SPATA13: variants seen among roughly 807,000 people sequenced by gnomAD.
SPATA13 encodes spermatogenesis-associated protein 13.
Under a neutral mutation model 104.0 loss-of-function variants are expected in SPATA13, and 50 were observed. That is an observed-to-expected ratio of 0.48 (90% CI 0.38 to 0.61). SPATA13 has a LOEUF of 0.61. Among genes scored for constraint, SPATA13 ranks in the 20% least tolerant of loss-of-function variants. SPATA13 has a pLI of 0.00. For synonymous variants in SPATA13, 606 were observed against 667.5 expected (o/e 0.91, Z 1.42); for missense variants, 1,524 against 1,690.6 (o/e 0.90, Z 1.73).
At chr13:24,055,802 T>C (rs1401406322) in intron 3 of SPATA13, among the ~76,000 whole-genome samples, 1 of 152,242 alleles carries the variant, frequency 6.6e-6, no homozygotes, top group Non-Finnish European at 1.5e-5. Flanking sequence ...GATGTCCTAA[T>C]TCTAAGCCAA....
chr13:24,216,742 T>G (rs1267823914), intron 1 of SPATA13, among the ~76,000 whole-genome samples: 1 of 152,208 alleles, frequency 6.6e-6, no homozygotes, highest in Non-Finnish European at 1.5e-5. Context: ...CCTTGGATGC[T>G]TTCTCTTTAT....
rs201659647 is a variant in SPATA13 at position 24,269,892 on chromosome 13, A to AT, written c.2165-14231dup. Among the ~76,000 whole-genome samples, 1,491 of 142,990 alleles carry AT rather than the reference A, an allele frequency of 0.01. 45 individuals are homozygous for AT. In the East Asian group the frequency reaches 0.12, roughly 12 times the overall value. 93.8% of individuals were successfully genotyped at this position (142,990 alleles called of 152,430 possible). ...GTGTGAGCTACCTTGCCCAGACCTA[A>AT]TTTTTTTTTTTTAGAGATAGGGTCT... On this transcript the variant is annotated intron_variant, in intron 4 of 12. Coordinates refer to ENST00000382108, the MANE Select transcript of SPATA13 (RefSeq NM_001166271.3).
At chr13:24,149,950 G>A (rs1343870845) in intron 3 of SPATA13, among the ~76,000 whole-genome samples, 2 of 152,118 alleles carry the variant, frequency 1.3e-5, no homozygotes. Flanking sequence ...CTGTCGGGGA[G>A]GGAGAGAGCT....
intron 1 of SPATA13, among the ~76,000 whole-genome samples, chr13:24,191,029 T>C (rs1248878022): frequency 3.9e-5 from 6 of 152,164 alleles, no homozygotes; most frequent in South Asian, 2.1e-4. Context: ...GCCACTACCA[T>C]TGAGGCAAGA....
intron 2 of SPATA13, among the ~76,000 whole-genome samples, chr13:24,235,894 A>G (rs1007849787): frequency 6.6e-6 from 1 of 152,280 alleles, no homozygotes; most frequent in African/African-American, 2.4e-5. Flanking sequence ...AAATAAGAAT[A>G]TAAATAATAA....
intron 2 of SPATA13, among the ~76,000 whole-genome samples, chr13:24,001,111 G>A (rs1332067035): frequency 7.9e-5 from 12 of 152,038 alleles, no homozygotes; most frequent in Admixed American, 7.9e-4. Flanking sequence ...CAGGCTGGCC[G>A]AGTGGCCTCT....
At chr13:24,277,457 A>G (rs1051458581) in intron 4 of SPATA13, among the ~76,000 whole-genome samples, 1 of 138,946 alleles carries the variant, frequency 7.2e-6, no homozygotes, top group Non-Finnish European at 1.6e-5. Flanking sequence ...AAAAAAAAAA[A>G]AAAAAGAAGA....
At chr13:24,279,268 G>C (rs969524541) in intron 4 of SPATA13, among the ~76,000 whole-genome samples, 5 of 152,170 alleles carry the variant, frequency 3.3e-5, no homozygotes, top group African/African-American at 4.8e-5. Flanking sequence ...CAGCGGCCCT[G>C]GGCAAGGAGT....
intron 3 of SPATA13, among the ~76,000 whole-genome samples, chr13:24,127,496 A>T (rs543580069): frequency 2.0e-5 from 3 of 151,878 alleles, no homozygotes; most frequent in Non-Finnish European, 4.4e-5. Flanking sequence ...GCCTCTGGGG[A>T]CAGCAGCTGG....
chr13:24,155,236 G>A (rs2138475818), intron 3 of SPATA13, among the ~76,000 whole-genome samples: 1 of 152,306 alleles, frequency 6.6e-6, no homozygotes, highest in Admixed American at 6.5e-5. Flanking sequence ...ATGAAAGGGG[G>A]ATTCTATGAA....
At chr13:24,288,544 G>A (rs939949945) in intron 7 of SPATA13, among the ~76,000 whole-genome samples, 2 of 152,252 alleles carry the variant, frequency 1.3e-5, no homozygotes, top group Admixed American at 6.5e-5. Flanking sequence ...ATAGAAAGGC[G>A]GTGCTGGTGG....
chr13:24,133,521 G>A (rs1390616022), intron 3 of SPATA13, among the ~76,000 whole-genome samples: 1 of 152,174 alleles, frequency 6.6e-6, no homozygotes, highest in Non-Finnish European at 1.5e-5. Context: ...GCAGGTGCTA[G>A]GGATGCCTGA....
intron 3 of SPATA13, among the ~76,000 whole-genome samples, chr13:24,079,378 A>G (rs1051944614): frequency 9.2e-5 from 14 of 152,230 alleles, no homozygotes; most frequent in Admixed American, 8.5e-4. Context: ...CTACTCTGAA[A>G]AGATCACCCT....
chr13:24,008,357 C>T (rs1876322429), intron 2 of SPATA13, among the ~76,000 whole-genome samples: 1 of 152,182 alleles, frequency 6.6e-6, no homozygotes, highest in East Asian at 1.9e-4. Flanking sequence ...GCCTTGACTC[C>T]TTGTCCAGCT....
Position 24,286,128 on chromosome 13 carries a change from C to A in SPATA13, c.2302-86C>A. The A allele has an allele frequency of 7.7e-7, 1 of 1,295,952 alleles. No individual in the cohort carries two copies. The highest frequency in any genetic ancestry group is 1.1e-6 in the Non-Finnish European group (1 of 938,080). The allele number at this position is 1,295,952 out of a possible 1,614,324, so 80.3% of individuals were successfully genotyped here. A position where few individuals can be genotyped will look rare whatever the true frequency, so the allele number is the denominator to read the frequency against. On this transcript the variant is annotated intron_variant, in intron 5 of 12. Coordinates refer to ENST00000382108, the MANE Select transcript of SPATA13 (RefSeq NM_001166271.3). This position sits in a 1 kb window ranked among gnomAD's most constrained non-coding sequence, Gnocchi z 4.9. The stretch of plus-strand genomic sequence containing the variant: ...TATCCAAGTGAGAGGATACCAGTGT[C>A]ACCCTGAGAGAGTGCACCTAGTGGC...
rs369498422 is a variant in SPATA13 at position 24,189,901 on chromosome 13, AT to A, written c.-112+28971del. Among the ~76,000 whole-genome samples, 13 of 9,044 alleles carry A rather than the reference AT, an allele frequency of 1.4e-3. 2 individuals carry two copies. The highest frequency in any genetic ancestry group is 6.4e-3 in the South Asian group (1 of 156). The allele number at this position is 9,044 out of a possible 152,430, so 5.9% of individuals were successfully genotyped here. A position where few individuals can be genotyped will look rare whatever the true frequency, so the allele number is the denominator to read the frequency against. On this transcript the variant is annotated intron_variant, in intron 1 of 12. Coordinates refer to ENST00000382108, the MANE Select transcript of SPATA13 (RefSeq NM_001166271.3). ...TATATATCATAATATATATTATATA[AT>A]TATATTACATAATATATATTATATA... is the stretch of plus-strand genomic sequence containing the variant.
chr13:24,258,901 A>G (rs1045715514), intron 4 of SPATA13, among the ~76,000 whole-genome samples: 9 of 152,194 alleles, frequency 5.9e-5, no homozygotes, highest in Non-Finnish European at 8.8e-5. Flanking sequence ...TCCACTACTC[A>G]GGTCCACGTC....
Position 24,290,714 on chromosome 13 carries a change from C to T in SPATA13, c.2910C>T (p.Leu970=), listed in dbSNP as rs1023973185. The T allele has an allele frequency of 1.3e-5, 21 of 1,614,104 alleles. No individual in the cohort carries two copies. The highest frequency in any genetic ancestry group is 3.3e-4 in the Middle Eastern group (2 of 6,084). ...CNNHPGACLE[L]ANLMKQGKYR... Reference sequence around the variant, plus strand: ...ACCACCCGGGCGCCTGCCTGGAGCTCGCCAACCTCATGAAGCAGGGCAAGT... The same window carrying T: ...ACCACCCGGGCGCCTGCCTGGAGCTTGCCAACCTCATGAAGCAGGGCAAGT... Residue 970 remains leucine (L), a synonymous_variant, in exon 9 of 13, where the codon CTC becomes CTT. Transcript: ENST00000382108.
chr13:24,252,468 A>G (rs1329069843), intron 4 of SPATA13, among the ~76,000 whole-genome samples: 3 of 152,170 alleles, frequency 2.0e-5, no homozygotes, highest in Non-Finnish European at 4.4e-5. Flanking sequence ...GGACTTCACC[A>G]TCTTTTGGGG....
Sources: gnomAD v4.1 joint callset for allele counts (sites outside exome capture counted in the v4.1 genomes callset) on GRCh38, gnomAD v4.1.1 for gene constraint, Gnocchi (gnomAD v3.1) non-coding constraint, MANE v1.5 for transcripts, NCBI Gene and HGNC (gene_info 2026-07-23, HGNC 2026-07-21) for gene names.